PHACTR4: variants seen among roughly 807,000 people sequenced by gnomAD.
PHACTR4 encodes protein phosphatase 1, regulatory subunit 124.
Under a neutral mutation model 72.7 loss-of-function variants are expected in PHACTR4, and 51 were observed. That is an observed-to-expected ratio of 0.70 (90% CI 0.56 to 0.89). The LOEUF is 0.89. PHACTR4 is among the 40% of genes least tolerant of loss of function. PHACTR4 has a pLI of 0.00. For missense variants in PHACTR4, 731 were observed against 861.8 expected (o/e 0.85, Z 1.90); for synonymous variants, 255 against 302.5 (o/e 0.84, Z 1.63).
At chr1:28,405,897 A>T (rs1654290569) in intron 1 of PHACTR4, among the ~76,000 whole-genome samples, 1 of 152,016 alleles carries the variant, frequency 6.6e-6, no homozygotes, top group Admixed American at 6.6e-5. Flanking sequence ...TCTTAAAAAA[A>T]AAAGGAATAG....
At chr1:28,441,205 C>G (rs1657000957) in intron 2 of PHACTR4, among the ~76,000 whole-genome samples, 1 of 151,648 alleles carries the variant, frequency 6.6e-6, no homozygotes, top group South Asian at 2.1e-4. Context: ...TTAAGGCATA[C>G]TTCTTTTTTT....
intron 10 of PHACTR4, among the ~76,000 whole-genome samples, 176 bp from the exon 11 acceptor site, chr1:28,490,775 C>T (rs1018241284): frequency 1.3e-5 from 2 of 149,214 alleles, no homozygotes; most frequent in African/African-American, 5.0e-5. Context: ...CTCGGGAGGC[C>T]GAGGTTGCAG....
intron 9 of PHACTR4, among the ~76,000 whole-genome samples, chr1:28,485,295 G>A (rs1660561795): frequency 6.6e-6 from 1 of 152,072 alleles, no homozygotes; most frequent in Non-Finnish European, 1.5e-5. Context: ...TGTGTTTATA[G>A]TTAATACTGT....
intron 2 of PHACTR4, among the ~76,000 whole-genome samples, chr1:28,419,192 C>A (rs899437799): frequency 1.3e-5 from 2 of 150,314 alleles, no homozygotes; most frequent in African/African-American, 4.9e-5. Flanking sequence ...CCATGTCGGC[C>A]AGGCTGGTCT....
intron 2 of PHACTR4, among the ~76,000 whole-genome samples, chr1:28,410,335 T>C (rs1323915049): frequency 2.0e-5 from 3 of 152,046 alleles, no homozygotes; most frequent in Non-Finnish European, 4.4e-5. Context: ...TGAGTTTTAT[T>C]ATAGTAGTCT....
intron 13 of PHACTR4, 65 bp from the exon 14 acceptor site, chr1:28,496,469 T>C: frequency 3.9e-6 from 6 of 1,552,698 alleles, no homozygotes; most frequent in Non-Finnish European, 4.4e-6. Context: ...TCATTACTAC[T>C]GATACATTAA....
chr1:28,489,838 A>G (rs1462022007), intron 10 of PHACTR4: 3 of 518,978 alleles, frequency 5.8e-6, no homozygotes, highest in South Asian at 2.8e-5. Context: ...CCTTGGGGCT[A>G]TTTGTGAGCA....
chr1:28,391,930 C>T (rs138966879), intron 1 of PHACTR4, among the ~76,000 whole-genome samples: 7 of 151,990 alleles, frequency 4.6e-5, no homozygotes, highest in African/African-American at 1.7e-4. Context: ...TCTGTACCTG[C>T]AAATTGCTGA....
chr1:28,448,634 C>T (rs1274225729), intron 2 of PHACTR4, among the ~76,000 whole-genome samples: 6 of 144,396 alleles, frequency 4.2e-5, no homozygotes, highest in East Asian at 4.0e-4. Flanking sequence ...TGGTGGTGGG[C>T]GCCTGTAGTC....
intron 13 of PHACTR4, chr1:28,494,199 A>C (rs1661199556): frequency 8.7e-6 from 1 of 114,934 alleles, no homozygotes; most frequent in African/African-American, 5.4e-5. Context: ...CCATCCCTAC[A>C]AAAAAAAAAA....
intron 6 of PHACTR4, among the ~76,000 whole-genome samples, chr1:28,470,700 T>A (rs192679336): frequency 3.5e-4 from 53 of 151,304 alleles, no homozygotes; most frequent in Middle Eastern, 3.5e-3. Context: ...CTAAAATAAA[T>A]TAATTTAATT....
At chr1:28,459,366 G>T in intron 3 of PHACTR4, 108 bp downstream of exon 3, 2 of 903,658 alleles carry the variant, frequency 2.2e-6, no homozygotes, top group Non-Finnish European at 3.3e-6. Context: ...ATTTGAAGAG[G>T]GTATTTAATG....
At chr1:28,395,818 A>AT (rs754161784) in intron 1 of PHACTR4, among the ~76,000 whole-genome samples, 3,884 of 74,990 alleles carry the variant, frequency 0.052, 393 homozygotes, top group Non-Finnish European at 0.068. Flanking sequence ...CGCCTGGCTA[A>AT]TTTTTTTTTT....
At chr1:28,493,538 C>CAA (rs34819233) in intron 13 of PHACTR4, among the ~76,000 whole-genome samples, 130 of 104,158 alleles carry the variant, frequency 1.2e-3, no homozygotes, top group African/African-American at 3.5e-3. Flanking sequence ...AACTCCATCT[C>CAA]AAAAAAAAAA....
At chr1:28,377,075 G>A (rs539538444) in intron 1 of PHACTR4, among the ~76,000 whole-genome samples, 49 of 151,868 alleles carry the variant, frequency 3.2e-4, no homozygotes, top group Middle Eastern at 3.4e-3. Context: ...GATTATAGGC[G>A]CTCACCACCA....
At chr1:28,371,205 T>C (rs1362696387) in intron 1 of PHACTR4, among the ~76,000 whole-genome samples, 1 of 152,222 alleles carries the variant, frequency 6.6e-6, no homozygotes, top group Non-Finnish European at 1.5e-5. Context: ...CTCGAACTTC[T>C]TGGCTTAAGC....
intron 1 of PHACTR4, among the ~76,000 whole-genome samples, chr1:28,394,990 T>C (rs1364288422): frequency 2.0e-5 from 3 of 151,334 alleles, no homozygotes; most frequent in African/African-American, 7.3e-5. Context: ...CTCAGCTCAC[T>C]GCAATCTCTG....
At chr1:28,402,562 G>A (rs1349467660) in intron 1 of PHACTR4, among the ~76,000 whole-genome samples, 3 of 152,146 alleles carry the variant, frequency 2.0e-5, no homozygotes, top group Non-Finnish European at 4.4e-5. Flanking sequence ...GACCAGCCTA[G>A]ATAACATAGT....
intron 8 of PHACTR4, among the ~76,000 whole-genome samples, chr1:28,477,494 T>A (rs550110918): frequency 1.4e-4 from 21 of 152,030 alleles, no homozygotes; most frequent in African/African-American, 4.8e-4. Flanking sequence ...TTTATAGATA[T>A]ATAATAGTAA....
Sources: gnomAD v4.1 joint callset for allele counts (sites outside exome capture counted in the v4.1 genomes callset) on GRCh38, gnomAD v4.1.1 for gene constraint, MANE v1.5 for transcripts, NCBI Gene and HGNC (gene_info 2026-07-23, HGNC 2026-07-21) for gene names.